Variants in FAM135B observed in about 807,000 individuals in gnomAD.
FAM135B encodes family with sequence similarity 135 member B, also known as protein FAM135B.
FAM135B carries 43 observed loss-of-function variants against 127.7 expected under a neutral mutation model. The ratio of observed to expected loss-of-function variants is 0.34; its 90% CI spans 0.26 to 0.43. FAM135B has a LOEUF of 0.43. FAM135B is among the 20% of genes least tolerant of loss of function. The pLI, the probability that FAM135B is intolerant of heterozygous loss-of-function variation, is 1.00. For synonymous variants in FAM135B, 670 were observed against 665.1 expected, an observed-to-expected ratio of 1.01 and a Z score of -0.11; for missense variants, 1,558 against 1,725.6, an observed-to-expected ratio of 0.90 and a Z score of 1.72.
chr8:138,159,409 G>A (rs1819130886), intron 12 of FAM135B, among the ~76,000 whole-genome samples: 2 of 151,186 alleles, frequency 1.3e-5, no homozygotes, highest in Admixed American at 6.6e-5. Context: ...ATACACCATG[G>A]AATACTATGC....
intron 11 of FAM135B, among the ~76,000 whole-genome samples, chr8:138,168,804 T>A (rs1820172282): frequency 6.6e-6 from 1 of 152,138 alleles, no homozygotes; most frequent in Admixed American, 6.5e-5. Flanking sequence ...CATTTCATCA[T>A]TTTTTTCCAT....
Position 138,151,272 on chromosome 8 carries a change from T to C in FAM135B, c.3203A>G (p.His1068Arg), listed in dbSNP as rs759857605. 36 of 1,612,802 alleles carry C rather than the reference T, an allele frequency of 2.2e-5. No homozygotes were observed. Among genetic ancestry groups the C allele is most frequent in the Admixed American group, 1.5e-4 (9 of 59,700 alleles). ...SSKQTLFPIT[H>R]QPLGSFGVVS... Reference sequence around the variant, plus strand: ...AACTCCAAAGGATCCCAAAGGCTGATGGGTGATGGGAAACAGGGTCTGTTT... The same window carrying C: ...AACTCCAAAGGATCCCAAAGGCTGACGGGTGATGGGAAACAGGGTCTGTTT... Residue 1068 changes from histidine (H) to arginine (R), a missense_variant, in exon 13 of 20, where the codon CAT becomes CGT. By Grantham distance (29) the His-to-Arg change is conservative. Transcript: ENST00000395297.
At chr8:138,350,999 T>C (rs1034501997) in intron 2 of FAM135B, among the ~76,000 whole-genome samples, 1 of 152,174 alleles carries the variant, frequency 6.6e-6, no homozygotes, top group African/African-American at 2.4e-5. Flanking sequence ...CCTGGGACTT[T>C]CATGGTCTTA....
Position 138,358,830 on chromosome 8 carries a change from T to G in FAM135B, c.77+9077A>C, listed in dbSNP as rs554323755. Among the ~76,000 whole-genome samples the G allele has an allele frequency of 7.9e-5, 12 of 152,242 alleles. No individual in the cohort carries two copies. In the East Asian group the frequency reaches 2.3e-3, roughly 29 times the overall value. Reference sequence around the variant, plus strand: ...TTCCCAGTGGCATTCTGCTCTGCCTTTGATTCCACCAGGAAGTATCTGGGC... The same window carrying G: ...TTCCCAGTGGCATTCTGCTCTGCCTGTGATTCCACCAGGAAGTATCTGGGC... On this transcript the variant is annotated intron_variant, in intron 2 of 19. Coordinates refer to ENST00000395297, the MANE Select transcript of FAM135B (RefSeq NM_015912.4).
intron 6 of FAM135B, among the ~76,000 whole-genome samples, chr8:138,248,055 T>C (rs1329414269): frequency 2.6e-5 from 4 of 152,182 alleles, no homozygotes; most frequent in Non-Finnish European, 5.9e-5. Context: ...GGTGAGGGCT[T>C]GGAATATGGG....
At chr8:138,239,907 C>A (rs535451287) in intron 7 of FAM135B, among the ~76,000 whole-genome samples, 20 of 151,446 alleles carry the variant, frequency 1.3e-4, no homozygotes, top group Non-Finnish European at 2.6e-4. Flanking sequence ...GGACAAAAAA[C>A]CAAACACCGC....
chr8:138,490,308 G>A (rs1815146252), intron 1 of FAM135B, among the ~76,000 whole-genome samples: 1 of 152,190 alleles, frequency 6.6e-6, no homozygotes, highest in South Asian at 2.1e-4. Flanking sequence ...CATAAGTACA[G>A]AGTCTAGGAG....
At chr8:138,195,124 C>A (rs1281070157) in intron 9 of FAM135B, 134 bp downstream of exon 9, 1 of 740,072 alleles carries the variant, frequency 1.4e-6, no homozygotes, top group Middle Eastern at 2.4e-4. Flanking sequence ...AAGAATATTT[C>A]TCCAGCTTGG....
At chr8:138,485,266 C>T (rs368715943) in intron 1 of FAM135B, among the ~76,000 whole-genome samples, 1 of 152,158 alleles carries the variant, frequency 6.6e-6, no homozygotes, top group African/African-American at 2.4e-5. Context: ...GGTTGATGGC[C>T]TCAAAGATCC....
At chr8:138,474,712 C>T (rs1814298143) in intron 1 of FAM135B, among the ~76,000 whole-genome samples, 1 of 152,116 alleles carries the variant, frequency 6.6e-6, no homozygotes, top group South Asian at 2.1e-4. Context: ...CCTTTTTGTA[C>T]TTTACTGCAT....
chr8:138,367,453 T>C, intron 2 of FAM135B: 1 of 457,106 alleles, frequency 2.2e-6, no homozygotes, highest in South Asian at 1.6e-5. Flanking sequence ...TATGAATTGA[T>C]GTTTGCAAAT....
chr8:138,497,547 G>A (rs994858922), upstream of FAM135B, among the ~76,000 whole-genome samples: 12 of 152,192 alleles, frequency 7.9e-5, no homozygotes, highest in Admixed American at 7.2e-4. Context: ...CTGGCTGGGA[G>A]GGGACTGTTG....
intron 1 of FAM135B, among the ~76,000 whole-genome samples, chr8:138,386,667 T>A (rs532001664): frequency 1.1e-3 from 175 of 152,370 alleles, no homozygotes; most frequent in African/African-American, 3.9e-3. Flanking sequence ...ATTTTTGGCA[T>A]GAATTAATCA....
At chr8:138,179,929 C>T (rs1814853310) in intron 9 of FAM135B, among the ~76,000 whole-genome samples, 1 of 152,154 alleles carries the variant, frequency 6.6e-6, no homozygotes, top group Non-Finnish European at 1.5e-5. Context: ...GATCCACCTG[C>T]TTCAGAGTGT....
chr8:138,351,393 A>C (rs1028366735), intron 2 of FAM135B, among the ~76,000 whole-genome samples: 2 of 152,200 alleles, frequency 1.3e-5, no homozygotes, highest in Non-Finnish European at 2.9e-5. Flanking sequence ...GTGAAGAGAC[A>C]GGTAGAACAC....
chr8:138,204,630 C>G (rs989601276), intron 7 of FAM135B, among the ~76,000 whole-genome samples: 1 of 152,126 alleles, frequency 6.6e-6, no homozygotes, highest in Admixed American at 6.5e-5. Flanking sequence ...ACTTTGGAAT[C>G]GTGGAACATT....
chr8:138,249,110 C>T (rs1460201159), intron 6 of FAM135B, among the ~76,000 whole-genome samples: 1 of 152,168 alleles, frequency 6.6e-6, no homozygotes, highest in Non-Finnish European at 1.5e-5. Flanking sequence ...CTGCTAATCC[C>T]AGGACCTGAC....
intron 2 of FAM135B, among the ~76,000 whole-genome samples, chr8:138,325,682 T>C (rs1360560827): frequency 6.6e-6 from 1 of 152,142 alleles, no homozygotes; most frequent in Non-Finnish European, 1.5e-5. Context: ...AACTTGGAAG[T>C]CTGAACAGAA....
At chr8:138,225,784 G>A (rs567047204) in intron 7 of FAM135B, among the ~76,000 whole-genome samples, 11 of 152,182 alleles carry the variant, frequency 7.2e-5, no homozygotes, top group Non-Finnish European at 1.6e-4. Context: ...ACACCCAGGT[G>A]TCAGGCAGTC....
Sources: allele counts gnomAD v4.1 joint callset (sites outside exome capture counted in the v4.1 genomes callset), GRCh38; gene constraint gnomAD v4.1.1; transcripts MANE v1.5; gene names NCBI Gene and HGNC (gene_info 2026-07-23, HGNC 2026-07-21).